SPINK5: variants seen among roughly 807,000 people sequenced by gnomAD.
SPINK5 encodes serine protease inhibitor Kazal-type 5.
Under a neutral mutation model 151.8 loss-of-function variants are expected in SPINK5, and 125 were observed. The ratio of observed to expected loss-of-function variants is 0.82; its 90% CI spans 0.71 to 0.96. SPINK5 has a LOEUF of 0.96. Among genes scored for constraint, SPINK5 ranks in the 40% least tolerant of loss-of-function variants. SPINK5 has a pLI of 0.00. For missense variants in SPINK5, 1,194 were observed against 1,291.9 expected, an observed-to-expected ratio of 0.92 and a Z score of 1.16; for synonymous variants, 374 against 395.3, an observed-to-expected ratio of 0.95 and a Z score of 0.64.
chr5:148,101,979 C>CA, intron 15 of SPINK5, 71 bp downstream of exon 15: 1 of 1,603,404 alleles, frequency 6.2e-7, no homozygotes, highest in Non-Finnish European at 8.5e-7. Context: ...GTTTTCAAAC[C>CA]ATTGTGAATA....
In SPINK5 at chr5:148,119,688, C is replaced by A. The variant is rs111312718; in HGVS notation, c.2314-321C>A. 0.019 allele frequency among the ~76,000 whole-genome samples: 2,929 copies of A among 152,308 alleles called. 89 individuals are homozygous for A. Among genetic ancestry groups the A allele is most frequent in the African/African-American group, 0.067 (2,766 of 41,562 alleles). Reference sequence around the variant, plus strand: ...TCTCACACTGACTGTCCTGCCGCTGCCTCTCTCTTTAATGAGTAAGAACCT... The same window carrying A: ...TCTCACACTGACTGTCCTGCCGCTGACTCTCTCTTTAATGAGTAAGAACCT... On this transcript the variant is annotated intron_variant, in intron 24 of 32. Coordinates refer to ENST00000256084, the MANE Select transcript of SPINK5 (RefSeq NM_006846.4).
At chr5:148,093,852 C>G (rs1048765995) in intron 8 of SPINK5, among the ~76,000 whole-genome samples, 1 of 151,884 alleles carries the variant, frequency 6.6e-6, no homozygotes, top group African/African-American at 2.4e-5. Flanking sequence ...ATAACAGATA[C>G]AAGTGCCAAG....
At chr5:148,114,592 A>G (rs1754037189) in intron 21 of SPINK5, 103 bp downstream of exon 21, 9 of 1,519,508 alleles carry the variant, frequency 5.9e-6, no homozygotes, top group Non-Finnish European at 8.2e-6. Context: ...TACATGTAAT[A>G]GAAACAGAAG....
chr5:148,099,064 G>C (rs999720375), intron 11 of SPINK5, among the ~76,000 whole-genome samples, 170 bp from the exon 12 acceptor site: 1 of 148,548 alleles, frequency 6.7e-6, no homozygotes, highest in Non-Finnish European at 1.5e-5. Flanking sequence ...AGAAATCATA[G>C]CACCATACTA....
chr5:148,121,794 C>A (rs1025910450), intron 26 of SPINK5, among the ~76,000 whole-genome samples: 1 of 146,090 alleles, frequency 6.8e-6, no homozygotes, highest in African/African-American at 2.6e-5. Context: ...CCTGTCTCTA[C>A]AAAATAATAA....
intron 13 of SPINK5, 83 bp downstream of exon 13, chr5:148,100,664 C>T (rs1413012670): frequency 6.1e-6 from 9 of 1,479,674 alleles, no homozygotes; most frequent in Non-Finnish European, 8.4e-6. Context: ...GGGAGGGCCA[C>T]TTCAACATAA....
At chr5:148,128,614 C>T (rs556403487) in intron 30 of SPINK5, among the ~76,000 whole-genome samples, 47 of 152,178 alleles carry the variant, frequency 3.1e-4, no homozygotes, top group Middle Eastern at 3.4e-3. Context: ...CTGCAAGCTC[C>T]GCCTCCGCAG....
Position 148,131,258 on chromosome 5 carries a change from G to A in SPINK5, c.2965-1G>A, listed in dbSNP as rs567566682. On this transcript the variant is annotated splice_acceptor_variant, in intron 30 of 32. Coordinates refer to ENST00000256084, the MANE Select transcript of SPINK5 (RefSeq NM_006846.4). LOFTEE classifies it high-confidence loss of function. ...GTCTGCTTTATTTTTTGCTTCTTCA[G>A]GATTCTGAGATGTGCAAAGACTACC... The A allele has an allele frequency of 3.7e-6, 6 of 1,613,638 alleles. 1 individual carries two copies. In the East Asian group the frequency reaches 8.9e-5, roughly 24 times the overall value.
chr5:148,086,660 G>A, intron 5 of SPINK5, 128 bp downstream of exon 5: 3 of 1,185,386 alleles, frequency 2.5e-6, no homozygotes, highest in Non-Finnish European at 3.6e-6. Flanking sequence ...TAAATTATTA[G>A]TACCACTTCT....
chr5:148,099,717 A>G (rs912697700), intron 12 of SPINK5, among the ~76,000 whole-genome samples: 5 of 152,102 alleles, frequency 3.3e-5, no homozygotes, highest in African/African-American at 1.2e-4. Context: ...AAATATTACA[A>G]TATTAGTTTC....
intron 10 of SPINK5, among the ~76,000 whole-genome samples, chr5:148,096,405 C>G (rs887963357): frequency 6.6e-6 from 1 of 151,920 alleles, no homozygotes; most frequent in Non-Finnish European, 1.5e-5. Flanking sequence ...GACGTATTGG[C>G]ATTGTACCTG....
intron 21 of SPINK5, 106 bp from the exon 22 acceptor site, chr5:148,116,264 G>T: frequency 8.6e-7 from 1 of 1,159,820 alleles, no homozygotes; most frequent in South Asian, 1.3e-5. Flanking sequence ...CTCAATGCTC[G>T]ATAATTCTGT....
At chr5:148,071,479 A>G (rs1752736316) in intron 3 of SPINK5, among the ~76,000 whole-genome samples, 5 of 152,068 alleles carry the variant, frequency 3.3e-5, no homozygotes, top group Admixed American at 1.3e-4. Flanking sequence ...ACCAGCAGGT[A>G]TATTATTTAT....
intron 29 of SPINK5, 117 bp from the exon 30 acceptor site, chr5:148,126,866 A>G (rs1754444627): frequency 1.2e-6 from 1 of 822,498 alleles, no homozygotes; most frequent in Admixed American, 2.5e-5. Flanking sequence ...TGCTGGGGTT[A>G]CAGGCGTGAA....
chr5:148,133,477 G>A (rs1266822022), intron 31 of SPINK5, among the ~76,000 whole-genome samples: 1 of 152,058 alleles, frequency 6.6e-6, no homozygotes, highest in African/African-American at 2.4e-5. Context: ...ATCTCTCTGG[G>A]ATCTGATTCT....
At position 148,101,441 on chromosome 5, in the gene SPINK5, G is replaced by A. The variant is rs1340368406; in HGVS notation, c.1302+5G>A. ...AAGAGTACAGCTTCCTTTGAGGTGA[G>A]TTTATATCCTCCAGCAACTCAGAGG... On this transcript the variant is annotated splice_donor_5th_base_variant and intron_variant, in intron 14 of 32. Transcript: ENST00000256084. 3 of 1,605,358 alleles carry A rather than the reference G, an allele frequency of 1.9e-6. No individual in the cohort carries two copies. Among genetic ancestry groups the A allele is most frequent in the Admixed American group, 1.7e-5 (1 of 59,908 alleles).
At chr5:148,104,325 T>C (rs1391791095) in intron 15 of SPINK5, among the ~76,000 whole-genome samples, 1 of 152,164 alleles carries the variant, frequency 6.6e-6, no homozygotes, top group East Asian at 1.9e-4. Flanking sequence ...TCTCAGAAGA[T>C]AAATATTACC....
At chr5:148,133,929 G>A (rs368802082) in intron 32 of SPINK5, 42 bp downstream of exon 32, 39 of 1,598,090 alleles carry the variant, frequency 2.4e-5, no homozygotes, top group Non-Finnish European at 3.0e-5. Context: ...TACGTTGTGA[G>A]GAGCACTGGG....
chr5:148,076,761 A>C (rs1752892189), intron 4 of SPINK5, among the ~76,000 whole-genome samples: 1 of 151,734 alleles, frequency 6.6e-6, no homozygotes, highest in Non-Finnish European at 1.5e-5. Context: ...CAATGAAAAG[A>C]CAGAATAATT....
Sources: allele counts gnomAD v4.1 joint callset (sites outside exome capture counted in the v4.1 genomes callset), GRCh38; gene constraint gnomAD v4.1.1; transcripts MANE v1.5; gene names NCBI Gene and HGNC (gene_info 2026-07-23, HGNC 2026-07-21).